Variants in PSMC2 observed in about 807,000 individuals in gnomAD.
PSMC2 encodes the protein 26S proteasome regulatory subunit 7.
A neutral mutation model predicts 53.3 loss-of-function variants in PSMC2; 7 were observed. The ratio of observed to expected loss-of-function variants is 0.13; its 90% CI spans 0.07 to 0.25. The LOEUF (loss-of-function observed/expected upper bound fraction) is 0.25. PSMC2 is among the 10% of genes least tolerant of loss of function. The pLI is 1.00. For missense variants in PSMC2, 241 were observed against 544.0 expected, an observed-to-expected ratio of 0.44 and a Z score of 5.54; for synonymous variants, 169 against 183.9, an observed-to-expected ratio of 0.92 and a Z score of 0.66.
chr7:103,355,627 G>T, intron 3 of PSMC2, 67 bp from the exon 4 acceptor site: 1 of 1,220,634 alleles, frequency 8.2e-7, no homozygotes, highest in Non-Finnish European at 1.2e-6. Flanking sequence ...TAGTGCTGAG[G>T]TTTAGAAAGC....
In PSMC2 at chr7:103,367,400, T is replaced by C. The variant is rs752919773; in HGVS notation, c.845-13T>C. 2 of 1,612,818 alleles carry C rather than the reference T, an allele frequency of 1.2e-6. No individual in the cohort carries two copies. Among genetic ancestry groups the C allele is most frequent in the Non-Finnish European group, 1.7e-6 (2 of 1,179,734 alleles). ...TGGACTTGAAGAGCTTATCTTTCCT[T>C]TTGTCTTCTCAGGGGCTCGTTTTGA... On this transcript the variant is annotated splice_polypyrimidine_tract_variant and intron_variant, in intron 9 of 11. Transcript: ENST00000292644. The surrounding 1 kb of genome is among the most constrained non-coding windows in gnomAD (Gnocchi z 6.1).
rs1390320032 is a variant in PSMC2, at chr7:103,354,893, T to A, written c.134T>A (p.Ile45Asn). The change falls in exon 3 of 12, where the codon ATC (isoleucine) becomes AAC (asparagine). Residue 45 changes from isoleucine (I) to asparagine (N), a missense_variant. This residue lies in a region of PSMC2 where 70 missense variants were observed against 57.9 expected (regional missense o/e 1.21). Transcript: ENST00000292644. ...GGTCAGAGCACTTACTCTAGGCAGA[T>A]CAAGCAAGTTGAAGATGACATTCAG... ...TYGQSTYSRQIKQVEDDIQQL... is the reference protein window; with the variant it reads ...TYGQSTYSRQNKQVEDDIQQL... 6.2e-7 allele frequency: 1 copy of A among 1,613,464 alleles called. No homozygotes were observed.
chr7:103,365,751 A>C (rs957236284), intron 8 of PSMC2, among the ~76,000 whole-genome samples: 5 of 152,104 alleles, frequency 3.3e-5, no homozygotes, highest in Non-Finnish European at 7.3e-5. Context: ...AAGATGCTGA[A>C]ACCCCGTCTC....
chr7:103,362,778 A>G lies in PSMC2; in HGVS notation c.495+20A>G. ...ATGCAGGTAAGAAACTATGGGAGGG[A>G]AAAGGAAGGCTATGTCTTTTTTTTT... On this transcript the variant is annotated intron_variant, in intron 6 of 11. Transcript: ENST00000292644. The G allele has an allele frequency of 6.7e-7, 1 of 1,493,844 alleles. No individual in the cohort carries two copies. The highest frequency in any genetic ancestry group is 9.3e-7 in the Non-Finnish European group (1 of 1,078,710). 92.5% of individuals were successfully genotyped at this position (1,493,844 alleles called of 1,614,324 possible).
In PSMC2 at chr7:103,363,367, A is replaced by G. The variant is rs1373635870; in HGVS notation, c.519A>G (p.Thr173=). 6.2e-7 allele frequency: 1 copy of G among 1,613,932 alleles called. No individual in the cohort carries two copies. Among genetic ancestry groups the G allele is most frequent in the Non-Finnish European group, 8.5e-7 (1 of 1,179,790 alleles). The change falls in exon 7 of 12, where the codon ACA becomes ACG. Residue 173 remains threonine, a synonymous_variant. Transcript: ENST00000292644. ...MMQVEEKPDV[T]YSDVGGCKEQ... is the part of the protein sequence containing the mutation. ...AGGTGGAAGAGAAACCTGATGTCAC[A>G]TACAGTGATGTTGGTGGCTGTAAGG...
chr7:103,361,510 C>CAAAAAAAAAAAA (rs759044767), intron 4 of PSMC2, among the ~76,000 whole-genome samples: 1 of 51,096 alleles, frequency 2.0e-5, no homozygotes, highest in Non-Finnish European at 4.1e-5. Context: ...AACTCCATCT[C>CAAAAAAAAAAAA]AAAAAAAAAA....
At chr7:103,362,791 T>TTTA in intron 6 of PSMC2, 33 bp downstream of exon 6, 1 of 1,400,276 alleles carries the variant, frequency 7.1e-7, no homozygotes, top group Non-Finnish European at 9.9e-7. Context: ...AGGAAGGCTA[T>TTTA]GTCTTTTTTT....
rs528407646 is a variant in PSMC2 at position 103,348,701 on chromosome 7, A to T, written c.70+920A>T. ...AACCGGCACGGTCTGATCCGGAAAT[A>T]TGGCCTCAATATGTGCCGCCAGTGT... On this transcript the variant is annotated intron_variant, in intron 1 of 11. Coordinates refer to ENST00000292644, the MANE Select transcript of PSMC2 (RefSeq NM_002803.4). The T allele has an allele frequency of 5.0e-6, 8 of 1,588,526 alleles. No homozygotes were observed. The South Asian group carries it at 8.8e-5, about 18-fold the overall frequency.
Position 103,367,355 on chromosome 7 carries a change from T to C in PSMC2, c.845-58T>C, listed in dbSNP as rs1004490246. ...TGAGATTTTTGGTACTTTCAGGTCATGCATAGTGCTACTCTTGAGTGGACT... is the reference window on the plus strand; with the variant it reads ...TGAGATTTTTGGTACTTTCAGGTCACGCATAGTGCTACTCTTGAGTGGACT... On this transcript the variant is annotated intron_variant, in intron 9 of 11. Coordinates refer to ENST00000292644, the MANE Select transcript of PSMC2 (RefSeq NM_002803.4). This position sits in a 1 kb window ranked among gnomAD's most constrained non-coding sequence, Gnocchi z 6.1. 9.7e-6 allele frequency: 15 copies of C among 1,548,598 alleles called. No homozygotes were observed. Among genetic ancestry groups the C allele is most frequent in the Non-Finnish European group, 1.3e-5 (15 of 1,123,456 alleles).
intron 4 of PSMC2, among the ~76,000 whole-genome samples, chr7:103,356,140 A>G (rs761506357): frequency 6.6e-5 from 10 of 152,180 alleles, no homozygotes; most frequent in Admixed American, 2.6e-4. Context: ...TTGCATGCAA[A>G]GAAACATATC....
At chr7:103,362,234 G>A in intron 5 of PSMC2, 146 bp downstream of exon 5, 1 of 1,444,710 alleles carries the variant, frequency 6.9e-7, no homozygotes, top group South Asian at 1.5e-5. Context: ...TGAAAATTCT[G>A]TCTTCTGCAT....
intron 3 of PSMC2, 142 bp from the exon 4 acceptor site, chr7:103,355,552 G>T: frequency 1.8e-6 from 1 of 549,776 alleles, no homozygotes; most frequent in East Asian, 3.1e-5. Context: ...GGCCAGGGAT[G>T]CTACTAAACA....
rs964881806 is a variant in PSMC2 at position 103,362,347 on chromosome 7, G to A, written c.422+259G>A. The A allele has an allele frequency of 6.6e-5, 90 of 1,356,164 alleles. No individual in the cohort carries two copies. The Admixed American group carries it at 7.3e-4, about 11-fold the overall frequency. 84.0% of individuals were successfully genotyped at this position (1,356,164 alleles called of 1,614,324 possible). On this transcript the variant is annotated intron_variant, in intron 5 of 11. Transcript: ENST00000292644. ...GAGTTGAGGTTACCAGTCCATTTAAGGTAACATGGTATAGGTTGGGGGAGT... is the reference window on the plus strand; with the variant it reads ...GAGTTGAGGTTACCAGTCCATTTAAAGTAACATGGTATAGGTTGGGGGAGT...
At chr7:103,360,391 C>A (rs933861763) in intron 4 of PSMC2, among the ~76,000 whole-genome samples, 3 of 151,736 alleles carry the variant, frequency 2.0e-5, no homozygotes, top group Admixed American at 6.6e-5. Context: ...GGGTATAATT[C>A]TTCTTCCCTA....
At chr7:103,356,501 C>T (rs1055892041) in intron 4 of PSMC2, among the ~76,000 whole-genome samples, 9 of 152,098 alleles carry the variant, frequency 5.9e-5, no homozygotes, top group South Asian at 4.1e-4. Flanking sequence ...ATGTAAGATA[C>T]GCAGTTTTCA....
rs1820800162 is a variant in PSMC2, at chr7:103,367,878, TTTTC to T, written c.1145-15_1145-12del. On this transcript the variant is annotated splice_polypyrimidine_tract_variant and intron_variant, in intron 11 of 11. Coordinates refer to ENST00000292644, the MANE Select transcript of PSMC2 (RefSeq NM_002803.4). This position sits in a 1 kb window ranked among gnomAD's most constrained non-coding sequence, Gnocchi z 6.1. ...AGGCTGCTTTAATTAAGCCCGTTTA[TTTTC>T]TTTTTGTTTGAAAGGTGCTGAGATT... is the stretch of plus-strand genomic sequence containing the variant. 1 of 1,611,746 alleles carries T rather than the reference TTTTC, an allele frequency of 6.2e-7. No individual in the cohort carries two copies. The highest frequency in any genetic ancestry group is 1.7e-5 in the Admixed American group (1 of 59,416).
Position 103,347,665 on chromosome 7 carries a change from A to G in PSMC2, c.-47A>G, listed in dbSNP as rs1819632124. 6.2e-7 allele frequency: 1 copy of G among 1,604,662 alleles called. No homozygotes were observed. The highest frequency in any genetic ancestry group is 1.3e-5 in the African/African-American group (1 of 74,722). The stretch of plus-strand genomic sequence containing the variant: ...GGGAAGACACCACCGGAAGCAAGGA[A>G]GGTGCTGTGTAATCATTAAGGAGCG... On this transcript the variant is annotated 5_prime_UTR_variant, in exon 1 of 12. Coordinates refer to ENST00000292644, the MANE Select transcript of PSMC2 (RefSeq NM_002803.4).
chr7:103,354,309 TC>T (rs1819902580), intron 2 of PSMC2, among the ~76,000 whole-genome samples: 1 of 152,144 alleles, frequency 6.6e-6, no homozygotes, highest in Admixed American at 6.5e-5. Flanking sequence ...CTGAATTAGT[TC>T]TGAAATGAAG....
chr7:103,358,749 C>A (rs1820186677), intron 4 of PSMC2, among the ~76,000 whole-genome samples: 1 of 151,992 alleles, frequency 6.6e-6, no homozygotes, highest in Admixed American at 6.6e-5. Flanking sequence ...AATCTAGGTA[C>A]ATTTTTCTAG....
Sources: gnomAD v4.1 joint callset for allele counts (sites outside exome capture counted in the v4.1 genomes callset) on GRCh38, gnomAD v4.1.1 for gene constraint, gnomAD v4.1.1 regional missense constraint, Gnocchi (gnomAD v3.1) non-coding constraint, MANE v1.5 for transcripts, NCBI Gene and HGNC (gene_info 2026-07-23, HGNC 2026-07-21) for gene names.